PRDM14: variants seen among roughly 807,000 people sequenced by gnomAD.
PRDM14 encodes the protein PR/SET domain 14, also known as PR domain zinc finger protein 14.
A neutral mutation model predicts 48.0 loss-of-function variants in PRDM14; 16 were observed. The observed-to-expected ratio is 0.33, with a 90% confidence interval of 0.23 to 0.51. The LOEUF (loss-of-function observed/expected upper bound fraction) is 0.51. Ranked by LOEUF, PRDM14 falls within the 20% of genes least tolerant of loss-of-function variation. The pLI, the probability that PRDM14 is intolerant of heterozygous loss-of-function variation, is 0.97. For synonymous variants in PRDM14, 264 were observed against 276.6 expected (o/e 0.95, Z 0.45); for missense variants, 566 against 719.6 (o/e 0.79, Z 2.44).
chr8:70,067,475 G>A (rs1268323501), intron 4 of PRDM14, among the ~76,000 whole-genome samples: 2 of 147,602 alleles, frequency 1.4e-5, no homozygotes, highest in Non-Finnish European at 3.0e-5. Context: ...CTGAGATCAC[G>A]CCACTGCACT....
At chr8:70,054,738 C>T (rs1039143036) in intron 7 of PRDM14, among the ~76,000 whole-genome samples, 2 of 151,560 alleles carry the variant, frequency 1.3e-5, no homozygotes, top group Admixed American at 6.6e-5. Flanking sequence ...AGGATGGTCT[C>T]GAACTCCCTA....
At chr8:70,052,452 A>G (rs965242067) in intron 7 of PRDM14, 148 bp from the exon 8 acceptor site, 1 of 603,466 alleles carries the variant, frequency 1.7e-6, no homozygotes, top group Non-Finnish European at 2.9e-6. Flanking sequence ...GGTCATCATC[A>G]GTAGCCTTAA....
At chr8:70,066,885 C>G (rs1805677894) in intron 4 of PRDM14, among the ~76,000 whole-genome samples, 1 of 152,078 alleles carries the variant, frequency 6.6e-6, no homozygotes, top group African/African-American at 2.4e-5. Flanking sequence ...ACCATCACGC[C>G]TGGCAAATTT....
At position 70,069,687 on chromosome 8, in the gene PRDM14, G is replaced by A. The variant is rs1415870111; in HGVS notation, c.174C>T (p.Ala58=). ...GCATGGCGGGGGCAGCAGACGCTGC[G>A]GCCTCCAGCTGCCGGAAAGGTTGGA... ...EDFQPFRQLE[A]AASAAPAMPP... Residue 58 remains alanine (A), a synonymous_variant, in exon 2 of 8, where the codon GCC becomes GCT. Coordinates refer to ENST00000276594, the MANE Select transcript of PRDM14 (RefSeq NM_024504.4). 1 of 1,554,038 alleles carries A rather than the reference G, an allele frequency of 6.4e-7. No individual in the cohort carries two copies. The highest frequency in any genetic ancestry group is 1.9e-5 in the Admixed American group (1 of 51,340).
Position 70,058,835 on chromosome 8 carries a change from T to A in PRDM14, c.1191A>T (p.Ala397=). The change falls in exon 6 of 8, where the codon GCA becomes GCT. Residue 397 remains alanine, a synonymous_variant. Coordinates refer to ENST00000276594, the MANE Select transcript of PRDM14 (RefSeq NM_024504.4). ...KQPSGPSEES[A]EGYRCERCGK... Reference sequence around the variant, plus strand: ...CACATCTTTCACATCTGTAGCCTTCTGCAGACTCTGTCAAACACAGCAAAC... The same window carrying A: ...CACATCTTTCACATCTGTAGCCTTCAGCAGACTCTGTCAAACACAGCAAAC... The A allele has an allele frequency of 6.2e-7, 1 of 1,613,856 alleles. No individual in the cohort carries two copies. Among genetic ancestry groups the A allele is most frequent in the Non-Finnish European group, 8.5e-7 (1 of 1,179,730 alleles).
rs551854287 is a variant in PRDM14 at position 70,059,521 on chromosome 8, C to G, written c.1184-679G>C. On this transcript the variant is annotated intron_variant, in intron 5 of 7. Coordinates refer to ENST00000276594, the MANE Select transcript of PRDM14 (RefSeq NM_024504.4). Reference sequence around the variant, plus strand: ...TCTTGATCTTGTGATCCACCTGCCTCGGCCTCCCAAAGTGCTGGGATTACA... The same window carrying G: ...TCTTGATCTTGTGATCCACCTGCCTGGGCCTCCCAAAGTGCTGGGATTACA... Among the ~76,000 whole-genome samples the G allele has an allele frequency of 3.3e-5, 5 of 151,624 alleles. No homozygotes were observed. In the East Asian group the frequency reaches 9.8e-4, roughly 30 times the overall value.
Position 70,067,949 on chromosome 8 carries a change from T to C in PRDM14, c.912+281A>G, listed in dbSNP as rs563979148. ...AAGCATTTAGTTTTGTCTATAAATA[T>C]AATACAACATATTGATTCTTTAAAT... On this transcript the variant is annotated intron_variant, in intron 4 of 7. Coordinates refer to ENST00000276594, the MANE Select transcript of PRDM14 (RefSeq NM_024504.4). 5.3e-5 allele frequency among the ~76,000 whole-genome samples: 8 copies of C among 152,356 alleles called. No individual in the cohort carries two copies. In the East Asian group the frequency reaches 1.5e-3, roughly 29 times the overall value.
chr8:70,064,816 G>A (rs948075092), intron 5 of PRDM14, among the ~76,000 whole-genome samples: 12 of 148,446 alleles, frequency 8.1e-5, no homozygotes, highest in African/African-American at 2.7e-4. Flanking sequence ...GGGCCACCAC[G>A]CCTGGGCCAT....
chr8:70,060,680 C>G (rs1475074601), intron 5 of PRDM14, among the ~76,000 whole-genome samples: 1 of 152,192 alleles, frequency 6.6e-6, no homozygotes, highest in South Asian at 2.1e-4. Context: ...ATTCCACCAG[C>G]CCCATTTAAG....
Position 70,068,304 on chromosome 8 carries a change from A to T in PRDM14, c.838T>A (p.Phe280Ile). ...CSSFIAKGVR[F>I]GPFQGKVVNA... ...ACCACTTTACCTTGAAAGGGCCCAA[A>T]CCTGACTCCTTTGGCGATAAAACTA... is the stretch of plus-strand genomic sequence containing the variant. The change falls in exon 4 of 8, where the codon TTT (phenylalanine) becomes ATT (isoleucine). Residue 280 changes from phenylalanine to isoleucine, a missense_variant. By Grantham distance (21) the Phe-to-Ile change is conservative (BLOSUM62 0). This residue lies in a region of PRDM14 where 410 missense variants were observed against 424.6 expected (regional missense o/e 0.97). Coordinates refer to ENST00000276594, the MANE Select transcript of PRDM14 (RefSeq NM_024504.4). The T allele has an allele frequency of 6.2e-7, 1 of 1,614,188 alleles. No homozygotes were observed. The highest frequency in any genetic ancestry group is 8.5e-7 in the Non-Finnish European group (1 of 1,180,040).
chr8:70,069,995 A>C, intron 1 of PRDM14, 111 bp from the exon 2 acceptor site: 1 of 629,550 alleles, frequency 1.6e-6, no homozygotes. Context: ...CCAAGGGAAC[A>C]GGATAAACGC....
intron 6 of PRDM14, among the ~76,000 whole-genome samples, chr8:70,056,614 T>C (rs1805476380): frequency 6.6e-6 from 1 of 152,010 alleles, no homozygotes; most frequent in African/African-American, 2.4e-5. Flanking sequence ...CCCGAGTGGC[T>C]GGGACCACAG....
chr8:70,068,241 C>T lies in PRDM14; in HGVS notation c.901G>A (p.Val301Met), dbSNP rs1235155016. 7 of 1,614,232 alleles carry T rather than the reference C, an allele frequency of 4.3e-6. No homozygotes were observed. Among genetic ancestry groups the T allele is most frequent in the Non-Finnish European group, 5.9e-6 (7 of 1,180,030 alleles). ...SEVKTYGDNS[V>M]MWEIFEDGHL... ...AGAAACAGATTTACCTCCCACATCA[C>T]AGAATTGTCTCCGTAGGTCTTCACT... Residue 301 changes from valine to methionine, a missense_variant, in exon 4 of 8, where the codon GTG becomes ATG. By Grantham distance (21) the Val-to-Met change is conservative. Around this residue, in one of 3 missense-constraint regions of PRDM14, gnomAD observed 410 missense variants for 424.6 expected, o/e 0.97. Coordinates refer to ENST00000276594, the MANE Select transcript of PRDM14 (RefSeq NM_024504.4).
intron 7 of PRDM14, 43 bp from the exon 8 acceptor site, chr8:70,052,347 C>T (rs368167794): frequency 1.8e-5 from 27 of 1,488,414 alleles, no homozygotes; most frequent in Middle Eastern, 2.0e-4. Context: ...AAGTCAACTT[C>T]CACGAGCTGG....
At chr8:70,053,123 A>C (rs1174816226) in intron 7 of PRDM14, among the ~76,000 whole-genome samples, 9 of 145,288 alleles carry the variant, frequency 6.2e-5, no homozygotes, top group Non-Finnish European at 1.4e-4. Context: ...AAAAAAAAGC[A>C]GATTACCAAC....
intron 5 of PRDM14, among the ~76,000 whole-genome samples, chr8:70,060,926 G>A (rs1294624961): frequency 2.0e-5 from 3 of 152,200 alleles, no homozygotes; most frequent in African/African-American, 7.2e-5. Context: ...AGATTCCAGA[G>A]CTAGAATCTT....
In PRDM14 at chr8:70,069,652, G is replaced by A. The variant is rs887981235; in HGVS notation, c.209C>T (p.Pro70Leu). Residue 70 changes from proline (P) to leucine (L), a missense_variant, in exon 2 of 8, where the codon CCC becomes CTC. By Grantham distance (98) the Pro-to-Leu change is moderately conservative. Transcript: ENST00000276594. The part of the protein sequence containing the change: ...ASAAPAMPPF[P>L]FRMAPPLLSP... ...CAGCAAGGGAGGCGCCATCCGGAAG[G>A]GGAAGGGGGGCATGGCGGGGGCAGC... The A allele has an allele frequency of 6.4e-7, 1 of 1,569,346 alleles. No individual in the cohort carries two copies. Among genetic ancestry groups the A allele is most frequent in the African/African-American group, 1.4e-5 (1 of 73,946 alleles).
chr8:70,058,485 C>T (rs1805518566), intron 6 of PRDM14, among the ~76,000 whole-genome samples, 155 bp downstream of exon 6: 1 of 152,202 alleles, frequency 6.6e-6, no homozygotes, highest in African/African-American at 2.4e-5. Context: ...TTCACGCCTG[C>T]CTGTTCCGTA....
intron 7 of PRDM14, among the ~76,000 whole-genome samples, chr8:70,052,564 T>C (rs929204435): frequency 1.3e-5 from 2 of 151,984 alleles, no homozygotes; most frequent in African/African-American, 4.8e-5. Context: ...AGGTCCAGTT[T>C]GTAAAAAAGC....
Sources: allele counts gnomAD v4.1 joint callset (sites outside exome capture counted in the v4.1 genomes callset), GRCh38; gene constraint gnomAD v4.1.1; regional missense constraint gnomAD v4.1.1; transcripts MANE v1.5; gene names NCBI Gene and HGNC (gene_info 2026-07-23, HGNC 2026-07-21).